Variants in TRIM58 observed in about 807,000 individuals in gnomAD.
TRIM58 encodes the protein tripartite motif containing 58.
A neutral mutation model predicts 34.1 loss-of-function variants in TRIM58; 38 were observed. The observed-to-expected ratio is 1.12, with a 90% confidence interval of 0.86 to 1.46. TRIM58 has a LOEUF of 1.46. Among genes scored for constraint, TRIM58 ranks in the 40% most tolerant of loss-of-function variants. The pLI is 0.00. For missense variants in TRIM58, 677 were observed against 642.0 expected (o/e 1.05, Z -0.59); for synonymous variants, 273 against 275.7 (o/e 0.99, Z 0.10).
At chr1:247,873,856 C>T (rs1476638633) in intron 5 of TRIM58, among the ~76,000 whole-genome samples, 2 of 152,100 alleles carry the variant, frequency 1.3e-5, no homozygotes, top group African/African-American at 4.8e-5. Context: ...TTCCCAGCTA[C>T]TCAGAGGGCT....
intron 2 of TRIM58, among the ~76,000 whole-genome samples, chr1:247,863,212 C>G (rs2103324228): frequency 6.6e-6 from 1 of 152,212 alleles, no homozygotes; most frequent in South Asian, 2.1e-4. Context: ...TAGCTCATGC[C>G]TTTTAGTCAA....
Position 247,857,236 on chromosome 1 carries a change from G to A in TRIM58, c.-11G>A. 1.5e-6 allele frequency: 2 copies of A among 1,313,294 alleles called. No homozygotes were observed. The highest frequency in any genetic ancestry group is 2.3e-5 in the South Asian group (1 of 44,190). The allele number at this position is 1,313,294 out of a possible 1,614,324, so 81.4% of individuals were successfully genotyped here. A position where few individuals can be genotyped will look rare whatever the true frequency, so the allele number is the denominator to read the frequency against. On this transcript the variant is annotated 5_prime_UTR_variant, in exon 1 of 6. Coordinates refer to ENST00000366481, the MANE Select transcript of TRIM58 (RefSeq NM_015431.4). The stretch of plus-strand genomic sequence containing the variant: ...GGGCGGCCGGGAGCGCAGCCCTCCG[G>A]GAGGCGGGTCATGGCCTGGGCGCCG...
At chr1:247,866,305 T>TA (rs1299844249) in intron 3 of TRIM58, among the ~76,000 whole-genome samples, 1 of 152,060 alleles carries the variant, frequency 6.6e-6, no homozygotes, top group Non-Finnish European at 1.5e-5. Context: ...GCCTCCTGAG[T>TA]AGCTGGGATT....
At position 247,876,178 on chromosome 1, in the gene TRIM58, C is replaced by A; in HGVS notation, c.1150C>A (p.Leu384Met). The A allele has an allele frequency of 2.5e-6, 4 of 1,614,222 alleles. No individual in the cohort carries two copies. The highest frequency in any genetic ancestry group is 2.5e-6 in the Non-Finnish European group (3 of 1,180,044). ...ATCTCCTGAGAATGGGGTCTGGGCC[C>A]TGTGGCTGCTGAAAGGGAATGAGTA... ...TPSPENGVWA[L>M]WLLKGNEYMV... Residue 384 changes from leucine to methionine, a missense_variant, in exon 6 of 6, where the codon CTG (leucine) becomes ATG (methionine). Physicochemically the swap from Leu to Met is conservative, Grantham distance 15. Transcript: ENST00000366481.
intron 5 of TRIM58, among the ~76,000 whole-genome samples, chr1:247,874,207 A>G (rs1261315454): frequency 6.6e-6 from 1 of 152,226 alleles, no homozygotes; most frequent in African/African-American, 2.4e-5. Flanking sequence ...TACAGGAGTC[A>G]TGGTGCTGGC....
Position 247,876,991 on chromosome 1 carries a change from T to C in TRIM58, c.*502T>C, listed in dbSNP as rs9661539. The stretch of plus-strand genomic sequence containing the variant: ...TCTCTCCCTGTCACTCTCTCTCTCT[T>C]GTTCCTTATTTTTTGTTTCTTACCT... On this transcript the variant is annotated 3_prime_UTR_variant, in exon 6 of 6. Transcript: ENST00000366481. The C allele has an allele frequency of 0.98, 153,805 of 156,384 alleles. 75,679 individuals are homozygous for C. The highest frequency in any genetic ancestry group is 1 in the East Asian group (5,216 of 5,216). The allele number at this position is 156,384 out of a possible 1,614,324, so 9.7% of individuals were successfully genotyped here. A position where few individuals can be genotyped will look rare whatever the true frequency, so the allele number is the denominator to read the frequency against.
chr1:247,872,745 GAGA>G (rs1273441824), intron 5 of TRIM58, among the ~76,000 whole-genome samples: 15 of 152,162 alleles, frequency 9.9e-5, no homozygotes, highest in Admixed American at 2.0e-4. Flanking sequence ...GTGAGAGAGA[GAGA>G]AGAAGTCCAA....
intron 1 of TRIM58, among the ~76,000 whole-genome samples, chr1:247,858,595 T>A (rs1296329891): frequency 6.6e-6 from 1 of 152,234 alleles, no homozygotes; most frequent in Admixed American, 6.5e-5. Context: ...TAGGATATTT[T>A]CCCCTTCCTT....
chr1:247,857,508 G>A lies in TRIM58; in HGVS notation c.262G>A (p.Gly88Ser), dbSNP rs1663662705. The change falls in exon 1 of 6, where the codon GGC (glycine) becomes AGC (serine). Residue 88 changes from glycine (G) to serine (S), a missense_variant. Physicochemically the swap from Gly to Ser is moderately conservative, Grantham distance 56 (BLOSUM62 0). Coordinates refer to ENST00000366481, the MANE Select transcript of TRIM58 (RefSeq NM_015431.4). ...GGAGAGCGTGCGGCGGCTGGGGTTGGGCGCGGGGCCCGGGGCGCGGCGATG... is the reference window on the plus strand; with the variant it reads ...GGAGAGCGTGCGGCGGCTGGGGTTGAGCGCGGGGCCCGGGGCGCGGCGATG... ...LVESVRRLGL[G>S]AGPGARRCAR... The A allele has an allele frequency of 7.7e-7, 1 of 1,294,224 alleles. No homozygotes were observed. The highest frequency in any genetic ancestry group is 3.1e-5 in the East Asian group (1 of 32,032). The allele number at this position is 1,294,224 out of a possible 1,614,324, so 80.2% of individuals were successfully genotyped here.
chr1:247,858,682 A>T (rs1297079259), intron 1 of TRIM58, among the ~76,000 whole-genome samples: 1 of 148,664 alleles, frequency 6.7e-6, no homozygotes, highest in Non-Finnish European at 1.5e-5. Flanking sequence ...GTACTAGGTA[A>T]TTTCTAGCTA....
Position 247,857,515 on chromosome 1 carries a change from G to C in TRIM58, c.269G>C (p.Gly90Ala). The stretch of plus-strand genomic sequence containing the variant: ...GTGCGGCGGCTGGGGTTGGGCGCGG[G>C]GCCCGGGGCGCGGCGATGCGCGCGG... ...ESVRRLGLGA[G>A]PGARRCARHG... The change falls in exon 1 of 6, where the codon GGG (glycine) becomes GCG (alanine). Residue 90 changes from glycine (G) to alanine (A), a missense_variant. Physicochemically the swap from Gly to Ala is moderately conservative, Grantham distance 60. Coordinates refer to ENST00000366481, the MANE Select transcript of TRIM58 (RefSeq NM_015431.4). The C allele has an allele frequency of 7.8e-7, 1 of 1,287,806 alleles. No individual in the cohort carries two copies. Among genetic ancestry groups the C allele is most frequent in the Non-Finnish European group, 9.8e-7 (1 of 1,020,472 alleles). The allele number at this position is 1,287,806 out of a possible 1,614,324, so 79.8% of individuals were successfully genotyped here.
In TRIM58 at chr1:247,857,336, C is replaced by A. The variant is rs760684914; in HGVS notation, c.90C>A (p.Asp30Glu). The A allele has an allele frequency of 3.4e-6, 5 of 1,490,544 alleles. No individual in the cohort carries two copies. In the South Asian group the frequency reaches 6.7e-5, roughly 20 times the overall value. 92.3% of individuals were successfully genotyped at this position (1,490,544 alleles called of 1,614,324 possible). A position where few individuals can be genotyped will look rare whatever the true frequency, so the allele number is the denominator to read the frequency against. ...LDFLQEPVSV[D>E]CGHSFCLRCI... is the part of the protein sequence containing the mutation. ...TCCTGCAGGAGCCGGTCAGCGTGGA[C>A]TGCGGCCACAGCTTCTGCCTCAGGT... Residue 30 changes from aspartate (D) to glutamate (E), a missense_variant, in exon 1 of 6, where the codon GAC becomes GAA. Coordinates refer to ENST00000366481, the MANE Select transcript of TRIM58 (RefSeq NM_015431.4).
Position 247,876,038 on chromosome 1 carries a change from G to T in TRIM58, c.1010G>T (p.Gly337Val). 1 of 1,614,214 alleles carries T rather than the reference G, an allele frequency of 6.2e-7. No homozygotes were observed. The highest frequency in any genetic ancestry group is 1.1e-5 in the South Asian group (1 of 91,086). The change falls in exon 6 of 6, where the codon GGT becomes GTT. Residue 337 changes from glycine to valine, a missense_variant. Transcript: ENST00000366481. ...TTTGACACATGGCCCTGCATCCTGGGTTTGCAGAGCTTCTCATCAGGGAGG... is the reference window on the plus strand; with the variant it reads ...TTTGACACATGGCCCTGCATCCTGGTTTTGCAGAGCTTCTCATCAGGGAGG... ...ERFDTWPCIL[G>V]LQSFSSGRHY...
In TRIM58 at chr1:247,857,196, G is replaced by C. The variant is rs1039402238; in HGVS notation, c.-51G>C. 7 of 1,302,468 alleles carry C rather than the reference G, an allele frequency of 5.4e-6. No homozygotes were observed. The highest frequency in any genetic ancestry group is 6.9e-6 in the Non-Finnish European group (7 of 1,021,518). 80.7% of individuals were successfully genotyped at this position (1,302,468 alleles called of 1,614,324 possible). ...GGGCTCCTCCCCCTGTGCAGACCGC[G>C]AGGGGAGACGGTGCGGGCGGCCGGG... On this transcript the variant is annotated 5_prime_UTR_variant, in exon 1 of 6. Coordinates refer to ENST00000366481, the MANE Select transcript of TRIM58 (RefSeq NM_015431.4).
At chr1:247,874,963 T>C (rs1659246390) in intron 5 of TRIM58, among the ~76,000 whole-genome samples, 1 of 152,192 alleles carries the variant, frequency 6.6e-6, no homozygotes, top group Non-Finnish European at 1.5e-5. Flanking sequence ...TATTCTCAGC[T>C]CTGGAGATCA....
In TRIM58 at chr1:247,864,788, G is replaced by C; in HGVS notation, c.600G>C (p.Gln200His). Reference protein sequence around the residue: ...RGFLAQEEQRQLRRLEAEERA... With the variant: ...RGFLAQEEQRHLRRLEAEERA... ...TTCTGGCCCAGGAGGAGCAACGGCA[G>C]CTGAGGCGGCTGGAGGCGGAGGAGC... The change falls in exon 3 of 6, where the codon CAG becomes CAC. Residue 200 changes from glutamine (Q) to histidine (H), a missense_variant. Physicochemically the swap from Gln to His is conservative, Grantham distance 24 (BLOSUM62 0). Transcript: ENST00000366481. The C allele has an allele frequency of 1.2e-6, 2 of 1,614,142 alleles. No individual in the cohort carries two copies. The highest frequency in any genetic ancestry group is 1.7e-6 in the Non-Finnish European group (2 of 1,180,044).
rs201545608 is a variant in TRIM58, at chr1:247,864,879, G to A, written c.691G>A (p.Glu231Lys). The change falls in exon 3 of 6, where the codon GAG becomes AAG. Residue 231 changes from glutamate to lysine, a missense_variant. Glu to Lys is a moderately conservative substitution (Grantham distance 56). Coordinates refer to ENST00000366481, the MANE Select transcript of TRIM58 (RefSeq NM_015431.4). ...RLVQQSKALKELADELQERCQ... is the reference protein window; with the variant it reads ...RLVQQSKALKKLADELQERCQ... The stretch of plus-strand genomic sequence containing the variant: ...GGTCCAGCAGAGCAAGGCCCTGAAG[G>A]AGCTGGCGGATGAGCTGCAGGAGAG... The A allele has an allele frequency of 6.2e-7, 1 of 1,609,024 alleles. No homozygotes were observed. Among genetic ancestry groups the A allele is most frequent in the African/African-American group, 1.3e-5 (1 of 74,982 alleles).
intron 5 of TRIM58, among the ~76,000 whole-genome samples, chr1:247,874,417 C>T (rs942983293): frequency 8.5e-5 from 13 of 152,254 alleles, no homozygotes; most frequent in Admixed American, 5.9e-4. Flanking sequence ...GGGATCTGCA[C>T]CCATGATCCA....
At chr1:247,859,468 C>A (rs1452257260) in intron 1 of TRIM58, among the ~76,000 whole-genome samples, 1 of 152,094 alleles carries the variant, frequency 6.6e-6, no homozygotes, top group Non-Finnish European at 1.5e-5. Flanking sequence ...TATTGAGTAA[C>A]TTTGGGAATA....
Sources: allele counts gnomAD v4.1 joint callset (sites outside exome capture counted in the v4.1 genomes callset), GRCh38; gene constraint gnomAD v4.1.1; transcripts MANE v1.5; gene names NCBI Gene and HGNC (gene_info 2026-07-23, HGNC 2026-07-21).